Variants in DOK6 observed in about 807,000 individuals in gnomAD.
DOK6 encodes the protein docking protein 6.
DOK6 carries 22 observed loss-of-function variants against 44.0 expected under a neutral mutation model. The ratio of observed to expected loss-of-function variants is 0.50; its 90% CI spans 0.36 to 0.71. DOK6 has a LOEUF of 0.71. Among genes scored for constraint, DOK6 ranks in the 30% least tolerant of loss-of-function variants. DOK6 has a pLI of 0.00. For synonymous variants in DOK6, 166 were observed against 145.5 expected, an observed-to-expected ratio of 1.14 and a Z score of -1.01; for missense variants, 340 against 416.4, an observed-to-expected ratio of 0.82 and a Z score of 1.60.
chr18:69,783,267 A>G (rs983901897), intron 7 of DOK6, among the ~76,000 whole-genome samples: 1 of 152,220 alleles, frequency 6.6e-6, no homozygotes, highest in African/African-American at 2.4e-5. Context: ...TGGCTGTTGA[A>G]CACTTGAGAT....
At chr18:69,604,009 T>C (rs1263184035) in intron 3 of DOK6, among the ~76,000 whole-genome samples, 1 of 152,132 alleles carries the variant, frequency 6.6e-6, no homozygotes, top group African/African-American at 2.4e-5. Context: ...TTAGGGTCAT[T>C]AATAGCATTC....
intron 1 of DOK6, among the ~76,000 whole-genome samples, chr18:69,529,566 A>G (rs1403737268): frequency 6.6e-6 from 1 of 152,220 alleles, no homozygotes; most frequent in Non-Finnish European, 1.5e-5. Context: ...AGTAATTGCA[A>G]GATAGCGTAA....
chr18:69,558,365 C>T (rs1982741164), intron 1 of DOK6, among the ~76,000 whole-genome samples: 1 of 152,134 alleles, frequency 6.6e-6, no homozygotes, highest in Admixed American at 6.5e-5. Flanking sequence ...ATGACACTTG[C>T]AAATTCTCCA....
intron 3 of DOK6, among the ~76,000 whole-genome samples, chr18:69,627,396 T>C (rs1694303555): frequency 6.6e-6 from 1 of 152,190 alleles, no homozygotes; most frequent in African/African-American, 2.4e-5. Flanking sequence ...AGTATGATAC[T>C]GGTGTAATAA....
At chr18:69,432,912 T>G (rs772342751) in intron 1 of DOK6, among the ~76,000 whole-genome samples, 31 of 152,174 alleles carry the variant, frequency 2.0e-4, no homozygotes, top group Non-Finnish European at 4.4e-4. Flanking sequence ...ATTATTAAAG[T>G]GTGTGTGCAT....
Position 69,451,982 on chromosome 18 carries a change from C to G in DOK6, c.66+50672C>G, listed in dbSNP as rs372915821. Among the ~76,000 whole-genome samples, 67 of 137,460 alleles carry G rather than the reference C, an allele frequency of 4.9e-4. No homozygotes were observed. The East Asian group carries it at 0.012, about 26-fold the overall frequency. 90.2% of individuals were successfully genotyped at this position (137,460 alleles called of 152,430 possible). A position where few individuals can be genotyped will look rare whatever the true frequency, so the allele number is the denominator to read the frequency against. On this transcript the variant is annotated intron_variant, in intron 1 of 7. Coordinates refer to ENST00000382713, the MANE Select transcript of DOK6 (RefSeq NM_152721.6). ...GCAGGAAAGATCCAAAATTGACACCCTAACATCACAATTAAAAGAACTAGA... is the reference window on the plus strand; with the variant it reads ...GCAGGAAAGATCCAAAATTGACACCGTAACATCACAATTAAAAGAACTAGA...
intron 3 of DOK6, among the ~76,000 whole-genome samples, chr18:69,610,954 C>T (rs991449177): frequency 6.6e-6 from 1 of 151,540 alleles, no homozygotes; most frequent in African/African-American, 2.4e-5. Context: ...TTAAAGGAAA[C>T]AGAGAGAGAG....
chr18:69,488,903 C>T (rs1302999287), intron 1 of DOK6, among the ~76,000 whole-genome samples: 2 of 152,296 alleles, frequency 1.3e-5, no homozygotes, highest in East Asian at 3.9e-4. Context: ...ACTACTACAG[C>T]CAGAACTCCT....
chr18:69,719,840 A>G (rs1411677043), intron 5 of DOK6, among the ~76,000 whole-genome samples: 2 of 152,212 alleles, frequency 1.3e-5, no homozygotes, highest in Non-Finnish European at 2.9e-5. Context: ...AGGCAGTTTC[A>G]TAATCAGTAC....
intron 5 of DOK6, among the ~76,000 whole-genome samples, chr18:69,710,638 T>C (rs1986734788): frequency 6.6e-6 from 1 of 152,216 alleles, no homozygotes; most frequent in African/African-American, 2.4e-5. Context: ...TTAGTGCTAA[T>C]GTAGAGCAAA....
intron 1 of DOK6, among the ~76,000 whole-genome samples, chr18:69,402,654 C>A (rs1409871042): frequency 6.6e-6 from 1 of 152,200 alleles, no homozygotes; most frequent in Non-Finnish European, 1.5e-5. Flanking sequence ...GGGGCCCATT[C>A]TGGAACTTCA....
chr18:69,673,126 C>CA (rs979833264), intron 3 of DOK6, among the ~76,000 whole-genome samples: 3 of 151,994 alleles, frequency 2.0e-5, no homozygotes, highest in Non-Finnish European at 2.9e-5. Context: ...TATTTTCACA[C>CA]AAAAAAGTCT....
chr18:69,714,400 G>C (rs934075252), intron 5 of DOK6, among the ~76,000 whole-genome samples: 1 of 152,048 alleles, frequency 6.6e-6, no homozygotes, highest in Non-Finnish European at 1.5e-5. Context: ...CTTTGTCCTG[G>C]GCCTCCTGAT....
chr18:69,748,410 C>T (rs1444656816), intron 6 of DOK6, among the ~76,000 whole-genome samples: 1 of 151,848 alleles, frequency 6.6e-6, no homozygotes, highest in Non-Finnish European at 1.5e-5. Context: ...ACCCCCAAAA[C>T]AACAAAATAT....
At chr18:69,468,789 C>T (rs899750574) in intron 1 of DOK6, among the ~76,000 whole-genome samples, 4 of 151,968 alleles carry the variant, frequency 2.6e-5, no homozygotes, top group African/African-American at 4.8e-5. Flanking sequence ...AAATTTATTG[C>T]GGCTGCATGC....
chr18:69,532,466 T>C (rs1982011890), intron 1 of DOK6, among the ~76,000 whole-genome samples: 1 of 152,232 alleles, frequency 6.6e-6, no homozygotes, highest in South Asian at 2.1e-4. Context: ...CAGAGTGTAC[T>C]TACCCAGTCA....
chr18:69,795,553 A>G (rs952287679), intron 7 of DOK6, among the ~76,000 whole-genome samples: 2 of 152,176 alleles, frequency 1.3e-5, no homozygotes, highest in East Asian at 3.9e-4. Flanking sequence ...CAAGACAAAG[A>G]TCTTGGAACA....
At chr18:69,462,260 T>A (rs977845566) in intron 1 of DOK6, among the ~76,000 whole-genome samples, 1 of 152,194 alleles carries the variant, frequency 6.6e-6, no homozygotes. Context: ...AACCATGTGC[T>A]TTCAAAATCT....
chr18:69,563,761 C>T (rs1225563255), intron 1 of DOK6, among the ~76,000 whole-genome samples: 1 of 151,838 alleles, frequency 6.6e-6, no homozygotes, highest in South Asian at 2.1e-4. Flanking sequence ...TGTAACAAAC[C>T]TGCCCATTGT....
Sources: gnomAD v4.1 joint callset for allele counts (sites outside exome capture counted in the v4.1 genomes callset) on GRCh38, gnomAD v4.1.1 for gene constraint, MANE v1.5 for transcripts, NCBI Gene and HGNC (gene_info 2026-07-23, HGNC 2026-07-21) for gene names.